The following FAM107B variants were observed in gnomAD, a reference collection of about 807,000 sequenced individuals.
The protein encoded by FAM107B is family with sequence similarity 107 member B.
FAM107B carries 21 observed loss-of-function variants against 31.5 expected under a neutral mutation model. The ratio of observed to expected loss-of-function variants is 0.67; its 90% CI spans 0.47 to 0.96. The LOEUF (loss-of-function observed/expected upper bound fraction) is 0.96. FAM107B is among the 40% of genes least tolerant of loss of function. The pLI is 0.00. For synonymous variants in FAM107B, 157 were observed against 141.5 expected (o/e 1.11, Z -0.78); for missense variants, 452 against 377.1 (o/e 1.20, Z -1.64).
intron 2 of FAM107B, among the ~76,000 whole-genome samples, chr10:14,586,615 C>T (rs1485532370): frequency 6.6e-6 from 1 of 152,166 alleles, no homozygotes; most frequent in African/African-American, 2.4e-5. Context: ...TGGCCTTCTA[C>T]AAAACACGAA....
intron 1 of FAM107B, among the ~76,000 whole-genome samples, chr10:14,707,070 G>A (rs1261541263): frequency 6.6e-6 from 1 of 151,992 alleles, no homozygotes; most frequent in Non-Finnish European, 1.5e-5. Flanking sequence ...AGGTTGCAGT[G>A]AGCCGAGATC....
chr10:14,706,306 GT>G (rs1019862694), intron 1 of FAM107B, among the ~76,000 whole-genome samples: 40 of 148,336 alleles, frequency 2.7e-4, no homozygotes, highest in African/African-American at 7.4e-4. Context: ...ACTCCAAATT[GT>G]TTTTTTTTTA....
At chr10:14,576,151 G>C (rs1264680899) in intron 2 of FAM107B, among the ~76,000 whole-genome samples, 1 of 152,220 alleles carries the variant, frequency 6.6e-6, no homozygotes. Context: ...AAAAGTTCTG[G>C]AGATGGATGG....
chr10:14,565,999 T>C (rs1588604116), intron 2 of FAM107B, among the ~76,000 whole-genome samples: 1 of 152,230 alleles, frequency 6.6e-6, no homozygotes, highest in Non-Finnish European at 1.5e-5. Flanking sequence ...ACTGGCTTCA[T>C]GGGCATGGGA....
At chr10:14,746,772 T>C (rs549297847) in intron 1 of FAM107B, among the ~76,000 whole-genome samples, 2 of 152,350 alleles carry the variant, frequency 1.3e-5, no homozygotes, top group African/African-American at 4.8e-5. Context: ...ACTGTGTGTC[T>C]TAGGGTTGAT....
At chr10:14,667,537 C>T in intron 2 of FAM107B, 97 bp downstream of exon 2, 2 of 1,222,788 alleles carry the variant, frequency 1.6e-6, no homozygotes, top group Admixed American at 4.2e-5. Context: ...TTGGAACATA[C>T]AGGTTTTCCT....
chr10:14,643,053 T>C (rs1177217446), intron 2 of FAM107B, among the ~76,000 whole-genome samples: 1 of 152,176 alleles, frequency 6.6e-6, no homozygotes, highest in Non-Finnish European at 1.5e-5. Flanking sequence ...CACTACTTGG[T>C]TCCAAAATTT....
chr10:14,720,240 CAT>C (rs1855879565), intron 1 of FAM107B, among the ~76,000 whole-genome samples: 1 of 152,242 alleles, frequency 6.6e-6, no homozygotes, highest in South Asian at 2.1e-4. Flanking sequence ...AGTAAAAAGA[CAT>C]ATGTTTTTTG....
chr10:14,729,781 A>AC (rs1326350408), intron 1 of FAM107B, among the ~76,000 whole-genome samples: 1 of 152,206 alleles, frequency 6.6e-6, no homozygotes, highest in Admixed American at 6.5e-5. Flanking sequence ...AAGACTTGGA[A>AC]CCAACCCAGA....
At chr10:14,759,212 AT>A (rs1832992688) in intron 1 of FAM107B, among the ~76,000 whole-genome samples, 1 of 151,822 alleles carries the variant, frequency 6.6e-6, no homozygotes, top group East Asian at 1.9e-4. Context: ...AAATAAATAA[AT>A]AAATAAATAA....
At chr10:14,611,905 T>C (rs1386043665) in intron 2 of FAM107B, among the ~76,000 whole-genome samples, 1 of 152,222 alleles carries the variant, frequency 6.6e-6, no homozygotes, top group Non-Finnish European at 1.5e-5. Flanking sequence ...CATATATTTA[T>C]ATATTTATAT....
At chr10:14,594,313 C>T (rs1052835998) in intron 2 of FAM107B, among the ~76,000 whole-genome samples, 5 of 151,952 alleles carry the variant, frequency 3.3e-5, no homozygotes, top group African/African-American at 1.2e-4. Flanking sequence ...CAAGACCAAC[C>T]GGGCAACAGA....
intron 3 of FAM107B, among the ~76,000 whole-genome samples, chr10:14,525,798 G>T (rs1846166439): frequency 6.6e-6 from 1 of 152,228 alleles, no homozygotes; most frequent in Non-Finnish European, 1.5e-5. Context: ...TAGAAGCGGA[G>T]TTGCTGGCTA....
intron 1 of FAM107B, among the ~76,000 whole-genome samples, chr10:14,770,339 A>G (rs1353347662): frequency 6.6e-6 from 1 of 152,174 alleles, no homozygotes; most frequent in African/African-American, 2.4e-5. Flanking sequence ...GCTGGCCAAC[A>G]TGGTGAAAAC....
At chr10:14,601,507 G>A (rs1344020239) in intron 2 of FAM107B, among the ~76,000 whole-genome samples, 4 of 152,114 alleles carry the variant, frequency 2.6e-5, no homozygotes, top group African/African-American at 9.7e-5. Flanking sequence ...GTCTCATGAG[G>A]TCATCCCAAG....
At chr10:14,587,517 T>C (rs951270815) in intron 2 of FAM107B, among the ~76,000 whole-genome samples, 1 of 152,256 alleles carries the variant, frequency 6.6e-6, no homozygotes, top group African/African-American at 2.4e-5. Flanking sequence ...CTATTTTTCA[T>C]GTTTAATGTT....
intron 2 of FAM107B, among the ~76,000 whole-genome samples, chr10:14,546,569 A>G (rs1283919505): frequency 1.3e-5 from 2 of 152,238 alleles, no homozygotes; most frequent in Admixed American, 1.3e-4. Flanking sequence ...AAGCTAGGCG[A>G]AAACTACCCA....
intron 2 of FAM107B, among the ~76,000 whole-genome samples, chr10:14,614,588 G>C (rs944929057): frequency 1.3e-5 from 2 of 150,796 alleles, no homozygotes; most frequent in Non-Finnish European, 2.9e-5. Flanking sequence ...CAGGAGAATT[G>C]CTTGAACCCA....
At position 14,689,513 on chromosome 10, in the gene FAM107B, CT is replaced by C. The variant is rs145024008; in HGVS notation, c.412-21823del. ...ACTCAGGAGTCCTGAGGAAAGACAC[CT>C]TCTGGCCTGACGGTAATGAGAGGTA... On this transcript the variant is annotated intron_variant, in intron 1 of 4. Transcript: ENST00000181796. Among the ~76,000 whole-genome samples the C allele has an allele frequency of 6.7e-3, 1,012 of 152,176 alleles. 28 individuals are homozygous for C. Among genetic ancestry groups the C allele is most frequent in the East Asian group, 0.046 (237 of 5,178 alleles).
Sources: gnomAD v4.1 joint callset for allele counts (sites outside exome capture counted in the v4.1 genomes callset) on GRCh38, gnomAD v4.1.1 for gene constraint, MANE v1.5 for transcripts, NCBI Gene and HGNC (gene_info 2026-07-23, HGNC 2026-07-21) for gene names.